The following SENP6 variants were observed in gnomAD, a reference collection of about 807,000 sequenced individuals.
The protein encoded by SENP6 is sentrin-specific protease 6.
A neutral mutation model predicts 134.5 loss-of-function variants in SENP6; 41 were observed. The ratio of observed to expected loss-of-function variants is 0.30; its 90% CI spans 0.24 to 0.40. The LOEUF is 0.40. Among genes scored for constraint, SENP6 ranks in the 10% least tolerant of loss-of-function variants. The pLI, the probability that SENP6 is intolerant of heterozygous loss-of-function variation, is 1.00. For missense variants in SENP6, 1,248 were observed against 1,312.5 expected (o/e 0.95, Z 0.76); for synonymous variants, 395 against 429.8 (o/e 0.92, Z 1.00).
chr6:75,644,293 A>G (rs1456107269), intron 6 of SENP6: 1 of 152,098 alleles, frequency 6.6e-6, no homozygotes, highest in Non-Finnish European at 1.5e-5. Context: ...CCAAACTGAT[A>G]ACAATTGGAT....
At chr6:75,699,885 G>A (rs540505492) in intron 18 of SENP6, among the ~76,000 whole-genome samples, 2 of 151,772 alleles carry the variant, frequency 1.3e-5, no homozygotes, top group South Asian at 2.1e-4. Flanking sequence ...TCTATCTTAA[G>A]TGAAATTGCC....
At chr6:75,616,413 T>G (rs1055878773) in intron 1 of SENP6, among the ~76,000 whole-genome samples, 3 of 152,210 alleles carry the variant, frequency 2.0e-5, no homozygotes, top group African/African-American at 7.2e-5. Context: ...CCATGGAGGT[T>G]CTAATCTAAT....
chr6:75,679,702 G>A, intron 16 of SENP6: 1 of 152,168 alleles, frequency 6.6e-6, no homozygotes, highest in East Asian at 1.9e-4. Flanking sequence ...TATGTGCAAT[G>A]TGTTTATACA....
At chr6:75,615,091 A>T (rs1320187815) in intron 1 of SENP6, among the ~76,000 whole-genome samples, 1 of 152,090 alleles carries the variant, frequency 6.6e-6, no homozygotes, top group Non-Finnish European at 1.5e-5. Flanking sequence ...GGGTTTCACC[A>T]TGTTGGCCAA....
chr6:75,678,525 T>C (rs773745786), intron 14 of SENP6, 58 bp from the exon 15 acceptor site: 2 of 865,156 alleles, frequency 2.3e-6, no homozygotes, highest in Non-Finnish European at 3.8e-6. Flanking sequence ...GTGCTTACCC[T>C]TTTTATTGAA....
intron 19 of SENP6, among the ~76,000 whole-genome samples, chr6:75,706,625 G>A (rs1478073566): frequency 2.0e-5 from 3 of 152,098 alleles, no homozygotes; most frequent in East Asian, 3.9e-4. Flanking sequence ...CTTAATACTT[G>A]TATATCCCAT....
Position 75,629,708 on chromosome 6 carries a change from T to A in SENP6, c.208-3873T>A, listed in dbSNP as rs1488656444. Among the ~76,000 whole-genome samples the A allele has an allele frequency of 2.0e-5, 3 of 152,306 alleles. No homozygotes were observed. The East Asian group carries it at 5.8e-4, about 29-fold the overall frequency. On this transcript the variant is annotated intron_variant, in intron 3 of 23. Transcript: ENST00000447266. ...ATATATACATATATCTACTTGGATTTTGAATAGCTTACAGGTAATGTATAG... is the reference window on the plus strand; with the variant it reads ...ATATATACATATATCTACTTGGATTATGAATAGCTTACAGGTAATGTATAG...
chr6:75,619,806 A>G (rs1768128367), intron 1 of SENP6, among the ~76,000 whole-genome samples: 1 of 152,200 alleles, frequency 6.6e-6, no homozygotes, highest in African/African-American at 2.4e-5. Context: ...AGTAAATAAT[A>G]GCAGCCAGGC....
At chr6:75,641,701 G>A (rs1224665416) in intron 6 of SENP6, among the ~76,000 whole-genome samples, 1 of 152,100 alleles carries the variant, frequency 6.6e-6, no homozygotes, top group Non-Finnish European at 1.5e-5. Flanking sequence ...AGCTGGACTG[G>A]GCAAGGTGGC....
chr6:75,644,073 A>G (rs960180828), intron 6 of SENP6: 44 of 152,290 alleles, frequency 2.9e-4, no homozygotes, highest in African/African-American at 1.0e-3. Flanking sequence ...AAAATGTTCA[A>G]AAAATTAAGA....
chr6:75,688,198 G>A (rs953259484), intron 16 of SENP6, among the ~76,000 whole-genome samples: 3 of 152,228 alleles, frequency 2.0e-5, no homozygotes, highest in African/African-American at 7.2e-5. Flanking sequence ...GGGAGCCGCC[G>A]AGCCAGGCAC....
At chr6:75,657,460 G>A (rs1028555565) in intron 7 of SENP6, among the ~76,000 whole-genome samples, 1 of 152,110 alleles carries the variant, frequency 6.6e-6, no homozygotes, top group Non-Finnish European at 1.5e-5. Flanking sequence ...GTCCTTAATT[G>A]TTCTATATCT....
chr6:75,619,300 G>T lies in SENP6; in HGVS notation c.53-2232G>T, dbSNP rs549575559. Among the ~76,000 whole-genome samples, 4 of 151,902 alleles carry T rather than the reference G, an allele frequency of 2.6e-5. No homozygotes were observed. The East Asian group carries it at 7.7e-4, about 29-fold the overall frequency. ...TGTCTCTATGAATTTACCTATTCTGGGTACTTCATATATGTGGAATCATAC... is the reference window on the plus strand; with the variant it reads ...TGTCTCTATGAATTTACCTATTCTGTGTACTTCATATATGTGGAATCATAC... On this transcript the variant is annotated intron_variant, in intron 1 of 23. Coordinates refer to ENST00000447266, the MANE Select transcript of SENP6 (RefSeq NM_015571.4).
At chr6:75,617,295 C>T (rs1184779554) in intron 1 of SENP6, among the ~76,000 whole-genome samples, 35 of 60,424 alleles carry the variant, frequency 5.8e-4, no homozygotes, top group Non-Finnish European at 9.4e-4. Context: ...TTTTTTGAGA[C>T]GGAGTTTCGC....
chr6:75,647,629 A>G (rs1582758898), intron 6 of SENP6, 102 bp from the exon 7 acceptor site: 3 of 603,338 alleles, frequency 5.0e-6, no homozygotes, highest in East Asian at 6.1e-5. Context: ...CAAAGAAGCT[A>G]TGATTTGCTT....
At chr6:75,672,210 T>C (rs998595899) in intron 11 of SENP6, among the ~76,000 whole-genome samples, 2 of 152,214 alleles carry the variant, frequency 1.3e-5, no homozygotes, top group African/African-American at 4.8e-5. Context: ...CCTGTAACTT[T>C]TACGGCTTTC....
intron 7 of SENP6, among the ~76,000 whole-genome samples, chr6:75,651,037 A>G (rs1430912249): frequency 6.6e-6 from 1 of 152,204 alleles, no homozygotes; most frequent in Non-Finnish European, 1.5e-5. Context: ...GTTCTTTACT[A>G]TAAAATTAAA....
At chr6:75,650,700 G>A (rs1770797203) in intron 7 of SENP6, among the ~76,000 whole-genome samples, 1 of 152,046 alleles carries the variant, frequency 6.6e-6, no homozygotes, top group Admixed American at 6.6e-5. Context: ...TTTTGTGTTA[G>A]GTAGGTACAT....
intron 17 of SENP6, 142 bp downstream of exon 17, chr6:75,696,065 C>T: frequency 1.5e-6 from 1 of 658,110 alleles, no homozygotes; most frequent in Non-Finnish European, 2.4e-6. Flanking sequence ...AGAGAACACA[C>T]TAAATAAATC....
Sources: gnomAD v4.1 joint callset for allele counts (sites outside exome capture counted in the v4.1 genomes callset) on GRCh38, gnomAD v4.1.1 for gene constraint, MANE v1.5 for transcripts, NCBI Gene and HGNC (gene_info 2026-07-23, HGNC 2026-07-21) for gene names.